MED15: variants seen among roughly 807,000 people sequenced by gnomAD.
MED15 encodes the protein mediator complex subunit 15.
A neutral mutation model predicts 118.7 loss-of-function variants in MED15; 41 were observed. The ratio of observed to expected loss-of-function variants is 0.35; its 90% CI spans 0.27 to 0.45. MED15 has a LOEUF of 0.45. MED15 is among the 20% of genes least tolerant of loss of function. The pLI is 1.00. For missense variants in MED15, 740 were observed against 1,025.5 expected, an observed-to-expected ratio of 0.72 and a Z score of 3.80; for synonymous variants, 436 against 413.9, an observed-to-expected ratio of 1.05 and a Z score of -0.65.
At chr22:20,582,021 T>C (rs1400238668) in intron 9 of MED15, 1 of 154,958 alleles carries the variant, frequency 6.5e-6, no homozygotes, top group African/African-American at 2.4e-5. Context: ...ACCATGGGTG[T>C]GTGTGTGGCT....
At chr22:20,539,366 C>T (rs1267535577) in intron 2 of MED15, among the ~76,000 whole-genome samples, 1 of 152,226 alleles carries the variant, frequency 6.6e-6, no homozygotes, top group Non-Finnish European at 1.5e-5. Context: ...CTGCCTTGGC[C>T]TCCCAAAGTA....
At chr22:20,523,293 A>G (rs1410328687) in intron 1 of MED15, among the ~76,000 whole-genome samples, 2 of 152,094 alleles carry the variant, frequency 1.3e-5, no homozygotes, top group Non-Finnish European at 2.9e-5. Context: ...CCAGGTTCAC[A>G]TGAGGTGTGG....
intron 7 of MED15, 144 bp from the exon 8 acceptor site, chr22:20,568,377 A>G (rs897842754): frequency 1.7e-4 from 218 of 1,278,726 alleles, no homozygotes; most frequent in Non-Finnish European, 2.2e-4. Flanking sequence ...GATGGCCAGT[A>G]AGGTGACATC....
chr22:20,586,121 CAG>C (rs913106978), intron 17 of MED15, among the ~76,000 whole-genome samples: 23 of 152,200 alleles, frequency 1.5e-4, no homozygotes, highest in African/African-American at 4.8e-4. Context: ...GCCCATGGCT[CAG>C]GGACAGTCCC....
chr22:20,540,749 T>C (rs2055264884), intron 2 of MED15, among the ~76,000 whole-genome samples: 1 of 152,140 alleles, frequency 6.6e-6, no homozygotes, highest in Non-Finnish European at 1.5e-5. Flanking sequence ...TAGATAAATT[T>C]GACTTCATCA....
chr22:20,579,718 T>G (rs1232984719), intron 9 of MED15, among the ~76,000 whole-genome samples: 1 of 152,100 alleles, frequency 6.6e-6, no homozygotes, highest in Non-Finnish European at 1.5e-5. Flanking sequence ...CCATTGTTGC[T>G]GGGGTGGTGG....
At chr22:20,518,871 T>C (rs1350576780) in intron 1 of MED15, 9 of 453,578 alleles carry the variant, frequency 2.0e-5, no homozygotes, top group South Asian at 1.4e-4. Flanking sequence ...GTTTGTTTAT[T>C]TGGCAGGGTC....
At chr22:20,518,159 A>G (rs910160824) in intron 1 of MED15, among the ~76,000 whole-genome samples, 1 of 152,192 alleles carries the variant, frequency 6.6e-6, no homozygotes, top group African/African-American at 2.4e-5. Flanking sequence ...GAGTTTTATT[A>G]AACAGATGTC....
intron 1 of MED15, among the ~76,000 whole-genome samples, chr22:20,508,841 A>C (rs2053965601): frequency 6.6e-6 from 1 of 152,164 alleles, no homozygotes; most frequent in Non-Finnish European, 1.5e-5. Flanking sequence ...GACAGTTTTT[A>C]ACTGAGCTTA....
intron 16 of MED15, 139 bp downstream of exon 16, chr22:20,585,406 T>TCA (rs948440120): frequency 1.7e-6 from 2 of 1,162,344 alleles, no homozygotes; most frequent in Non-Finnish European, 2.4e-6. Context: ...TGCTCTATCC[T>TCA]CACACACACC....
intron 2 of MED15, among the ~76,000 whole-genome samples, chr22:20,542,703 C>G (rs1157903409): frequency 2.6e-5 from 4 of 152,176 alleles, no homozygotes; most frequent in Non-Finnish European, 5.9e-5. Flanking sequence ...TTTGGGAGTT[C>G]TTCTTTGATT....
At chr22:20,535,401 C>T (rs1372756785) in intron 1 of MED15, among the ~76,000 whole-genome samples, 1 of 152,134 alleles carries the variant, frequency 6.6e-6, no homozygotes, top group Non-Finnish European at 1.5e-5. Context: ...TGCTGTAGCC[C>T]CGTCTGTACA....
chr22:20,546,659 C>T (rs894884077), intron 2 of MED15, among the ~76,000 whole-genome samples: 3 of 152,072 alleles, frequency 2.0e-5, no homozygotes, highest in Non-Finnish European at 4.4e-5. Context: ...GATGGGTTCT[C>T]TTTGAGTGAC....
chr22:20,556,354 T>C (rs979705363), intron 5 of MED15, among the ~76,000 whole-genome samples: 1 of 150,424 alleles, frequency 6.6e-6, no homozygotes, highest in African/African-American at 2.5e-5. Context: ...CAGGCTGGAG[T>C]GCAGTGGTGT....
intron 13 of MED15, 164 bp downstream of exon 13, chr22:20,583,557 GC>G: frequency 1.3e-6 from 1 of 788,484 alleles, no homozygotes; most frequent in Non-Finnish European, 2.0e-6. Context: ...GGGGCTTCAA[GC>G]CCAGGCTTCA....
chr22:20,537,447 C>T (rs1178173153), intron 2 of MED15, among the ~76,000 whole-genome samples: 4 of 152,208 alleles, frequency 2.6e-5, no homozygotes, highest in Non-Finnish European at 4.4e-5. Flanking sequence ...CCGTCACCTT[C>T]CATCTGTGGT....
chr22:20,586,156 C>T (rs1045763956), intron 17 of MED15, among the ~76,000 whole-genome samples: 1 of 152,230 alleles, frequency 6.6e-6, no homozygotes, highest in Admixed American at 6.5e-5. Flanking sequence ...AGGCCACTAG[C>T]TTCCCAGAGG....
At chr22:20,510,644 C>CTTTT (rs777744976) in intron 1 of MED15, among the ~76,000 whole-genome samples, 7 of 152,142 alleles carry the variant, frequency 4.6e-5, no homozygotes, top group Non-Finnish European at 1.0e-4. Flanking sequence ...AGGAGTCAGT[C>CTTTT]TTTGTTCCCA....
rs2057089493 is a variant in MED15 at position 20,584,910 on chromosome 22, C to T, written c.1859C>T (p.Pro620Leu). 2.5e-6 allele frequency: 4 copies of T among 1,613,962 alleles called. No homozygotes were observed. The South Asian group carries it at 3.3e-5, about 13-fold the overall frequency. ...PPTKQQYLCQPLLDAVLANIR... is the reference protein window; with the variant it reads ...PPTKQQYLCQLLLDAVLANIR... ...ACCAAACAGCAGTACCTATGCCAGCCGCTCCTGGATGCCGTCCTGGCCAAC... is the reference window on the plus strand; with the variant it reads ...ACCAAACAGCAGTACCTATGCCAGCTGCTCCTGGATGCCGTCCTGGCCAAC... Residue 620 changes from proline (P) to leucine (L), a missense_variant, in exon 15 of 18, where the codon CCG (proline) becomes CTG (leucine). Physicochemically the swap from Pro to Leu is moderately conservative, Grantham distance 98 (BLOSUM62 -3). Around this residue, in one of 7 missense-constraint regions of MED15, gnomAD observed 179 missense variants for 259.0 expected, o/e 0.69. Transcript: ENST00000263205.
Sources: allele counts gnomAD v4.1 joint callset (sites outside exome capture counted in the v4.1 genomes callset), GRCh38; gene constraint gnomAD v4.1.1; regional missense constraint gnomAD v4.1.1; transcripts MANE v1.5; gene names NCBI Gene and HGNC (gene_info 2026-07-23, HGNC 2026-07-21).